The following TMEM132C variants were observed in gnomAD, a reference collection of about 807,000 sequenced individuals.
TMEM132C encodes the protein transmembrane protein 132C, also known as protein phosphatase 1, regulatory subunit 152.
A neutral mutation model predicts 61.4 loss-of-function variants in TMEM132C; 29 were observed. That is an observed-to-expected ratio of 0.47 (90% confidence interval 0.35 to 0.64). TMEM132C has a LOEUF of 0.64. Ranked by LOEUF, TMEM132C falls within the 30% of genes least tolerant of loss-of-function variation. The pLI is 0.00. For synonymous variants in TMEM132C, 656 were observed against 633.1 expected (o/e 1.04, Z -0.54); for missense variants, 1,408 against 1,476.9 (o/e 0.95, Z 0.76).
intron 4 of TMEM132C, among the ~76,000 whole-genome samples, chr12:128,629,745 A>G (rs915480668): frequency 6.6e-6 from 1 of 152,152 alleles, no homozygotes; most frequent in African/African-American, 2.4e-5. Context: ...AGGCGGGTGG[A>G]TCACGAGGTC....
At chr12:128,441,811 T>C (rs576465853) in intron 2 of TMEM132C, among the ~76,000 whole-genome samples, 2 of 152,122 alleles carry the variant, frequency 1.3e-5, no homozygotes, top group South Asian at 4.1e-4. Context: ...CTTGCCAACA[T>C]GGCGAAACAC....
rs973310832 is a variant in TMEM132C at position 128,410,626 on chromosome 12, G to A, written c.86-4106G>A. ...TCACCATGTTGGCCAGGATGGTCTC[G>A]ATCTCTTGACCTCGTGATCCACCCA... On this transcript the variant is annotated intron_variant, in intron 1 of 8. Transcript: ENST00000435159. Among the ~76,000 whole-genome samples the A allele has an allele frequency of 6.6e-5, 10 of 152,020 alleles. No homozygotes were observed. In the East Asian group the frequency reaches 1.5e-3, roughly 24 times the overall value.
intron 1 of TMEM132C, among the ~76,000 whole-genome samples, chr12:128,379,290 G>A (rs780694431): frequency 1.4e-4 from 21 of 152,314 alleles, no homozygotes; most frequent in Non-Finnish European, 2.8e-4. Flanking sequence ...TAATGTTGGT[G>A]CAGATTAGCT....
intron 5 of TMEM132C, among the ~76,000 whole-genome samples, chr12:128,688,069 G>C (rs142115922): frequency 2.6e-5 from 4 of 152,228 alleles, no homozygotes; most frequent in Non-Finnish European, 5.9e-5. Context: ...GGAAACGTGG[G>C]CAGAGCCACT....
chr12:128,664,222 G>GCACA (rs879867085), intron 4 of TMEM132C, among the ~76,000 whole-genome samples: 9,400 of 105,456 alleles, frequency 0.089, 864 homozygotes, highest in African/African-American at 0.31. Flanking sequence ...ATGCCTGTGT[G>GCACA]TGTTCCATGA....
chr12:128,562,071 C>T (rs1402591916), intron 3 of TMEM132C, among the ~76,000 whole-genome samples: 2 of 152,138 alleles, frequency 1.3e-5, no homozygotes, highest in Non-Finnish European at 2.9e-5. Flanking sequence ...GCGCGTCTAC[C>T]TTCCCACCAC....
At chr12:128,357,410 G>T (rs1873543202) in intron 1 of TMEM132C, among the ~76,000 whole-genome samples, 1 of 152,118 alleles carries the variant, frequency 6.6e-6, no homozygotes, top group South Asian at 2.1e-4. Flanking sequence ...TTAAGAGGGA[G>T]CCCAGGCCGG....
chr12:128,345,242 CT>C (rs1314932963), intron 1 of TMEM132C, among the ~76,000 whole-genome samples: 3 of 152,106 alleles, frequency 2.0e-5, no homozygotes, highest in Non-Finnish European at 4.4e-5. Context: ...GATCTCATTC[CT>C]TTTTATGGCT....
intron 2 of TMEM132C, among the ~76,000 whole-genome samples, chr12:128,512,569 G>T (rs1201330473): frequency 1.3e-5 from 2 of 152,198 alleles, no homozygotes; most frequent in East Asian, 3.8e-4. Flanking sequence ...AAACATGTTT[G>T]AAGTAATGCT....
intron 1 of TMEM132C, among the ~76,000 whole-genome samples, chr12:128,406,692 G>A (rs1344792058): frequency 6.6e-6 from 1 of 152,148 alleles, no homozygotes; most frequent in African/African-American, 2.4e-5. Flanking sequence ...CTGGAACAAG[G>A]ATGTACTAAG....
At chr12:128,566,550 T>C (rs1055844958) in intron 3 of TMEM132C, among the ~76,000 whole-genome samples, 1 of 152,236 alleles carries the variant, frequency 6.6e-6, no homozygotes, top group Non-Finnish European at 1.5e-5. Context: ...TGTTGGTATT[T>C]GCTTTGTTTG....
chr12:128,705,804 G>C lies in TMEM132C; in HGVS notation c.2836G>C (p.Ala946Pro). The stretch of plus-strand genomic sequence containing the variant: ...CATCCTCGTCTTCCTGATCAACTGC[G>C]CCACCTTTGCCCTGAAGTACAGGCA... ...LAILVFLINC[A>P]TFALKYRHKQ... is the part of the protein sequence containing the mutation. Residue 946 changes from alanine (A) to proline (P), a missense_variant, in exon 9 of 9, where the codon GCC (alanine) becomes CCC (proline). By Grantham distance (27) the Ala-to-Pro change is conservative. Transcript: ENST00000435159. 6.4e-7 allele frequency: 1 copy of C among 1,551,598 alleles called. No homozygotes were observed. Among genetic ancestry groups the C allele is most frequent in the Non-Finnish European group, 8.7e-7 (1 of 1,147,056 alleles).
chr12:128,572,901 G>C (rs912330661), intron 3 of TMEM132C, among the ~76,000 whole-genome samples: 11 of 152,256 alleles, frequency 7.2e-5, no homozygotes, highest in Admixed American at 6.5e-4. Flanking sequence ...ACCACAATGA[G>C]ATACCATCTC....
intron 2 of TMEM132C, among the ~76,000 whole-genome samples, chr12:128,442,644 G>A (rs1045008458): frequency 1.3e-5 from 2 of 151,236 alleles, no homozygotes; most frequent in Non-Finnish European, 2.9e-5. Flanking sequence ...TGCAATTCAC[G>A]ATCCTGGATG....
chr12:128,655,263 C>T (rs1392387673), intron 4 of TMEM132C, among the ~76,000 whole-genome samples: 1 of 152,098 alleles, frequency 6.6e-6, no homozygotes, highest in South Asian at 2.1e-4. Flanking sequence ...CCGCACTGTG[C>T]GGCACAGCCG....
At chr12:128,666,884 C>A (rs891249700) in intron 4 of TMEM132C, among the ~76,000 whole-genome samples, 9 of 152,230 alleles carry the variant, frequency 5.9e-5, no homozygotes, top group Non-Finnish European at 1.2e-4. Flanking sequence ...TCCTGGCTAA[C>A]ACGGTGAAAC....
intron 3 of TMEM132C, among the ~76,000 whole-genome samples, chr12:128,560,934 A>C (rs1056415082): frequency 1.2e-4 from 18 of 152,212 alleles, no homozygotes; most frequent in African/African-American, 4.3e-4. Context: ...CTGTTGTCCC[A>C]CCGTACAGAT....
rs117177051 is a variant in TMEM132C, at chr12:128,415,149, C to A, written c.503C>A (p.Pro168Gln). 110 of 1,610,918 alleles carry A rather than the reference C, an allele frequency of 6.8e-5. No individual in the cohort carries two copies. The East Asian group carries it at 2.4e-3, about 35-fold the overall frequency. ...WDDHGAGEKLPCLRVFAFRET... is the reference protein window; with the variant it reads ...WDDHGAGEKLQCLRVFAFRET... Reference sequence around the variant, plus strand: ...GACCACGGCGCCGGGGAGAAGCTGCCATGCCTGAGGGTCTTTGCTTTCCGA... The same window carrying A: ...GACCACGGCGCCGGGGAGAAGCTGCAATGCCTGAGGGTCTTTGCTTTCCGA... The change falls in exon 2 of 9, where the codon CCA (proline) becomes CAA (glutamine). Residue 168 changes from proline to glutamine, a missense_variant. Coordinates refer to ENST00000435159, the MANE Select transcript of TMEM132C (RefSeq NM_001136103.3). The surrounding 1 kb of genome is among the most constrained non-coding windows in gnomAD (Gnocchi z 5.8).
At chr12:128,493,082 C>T (rs1461278018) in intron 2 of TMEM132C, among the ~76,000 whole-genome samples, 2 of 152,140 alleles carry the variant, frequency 1.3e-5, no homozygotes, top group East Asian at 3.9e-4. Flanking sequence ...AGCCAGTTTT[C>T]CCAGCACCAT....
Sources: allele counts gnomAD v4.1 joint callset (sites outside exome capture counted in the v4.1 genomes callset), GRCh38; gene constraint gnomAD v4.1.1; non-coding constraint Gnocchi (gnomAD v3.1); transcripts MANE v1.5; gene names NCBI Gene and HGNC (gene_info 2026-07-23, HGNC 2026-07-21).